SHC4: variants seen among roughly 807,000 people sequenced by gnomAD.
SHC4 encodes the protein SHC-transforming protein 4.
SHC4 carries 41 observed loss-of-function variants against 69.4 expected under a neutral mutation model. The ratio of observed to expected loss-of-function variants is 0.59; its 90% CI spans 0.46 to 0.77. The LOEUF (loss-of-function observed/expected upper bound fraction) is 0.77, where lower values mean the gene tolerates loss of function less well. Among genes scored for constraint, SHC4 ranks in the 30% least tolerant of loss-of-function variants. The probability of loss-of-function intolerance (pLI) is 0.00; values close to 1 mark genes in which losing one functional copy is unlikely to be tolerated. For missense variants in SHC4, 777 were observed against 783.8 expected (o/e 0.99, Z 0.10); for synonymous variants, 318 against 299.3 (o/e 1.06, Z -0.64).
chr15:48,934,269 G>T (rs1003234131), intron 1 of SHC4, among the ~76,000 whole-genome samples: 2 of 151,884 alleles, frequency 1.3e-5, no homozygotes, highest in Non-Finnish European at 2.9e-5. Context: ...TTTAAAAATG[G>T]ACAAAAGAAC....
At chr15:48,910,747 G>T (rs1460594709) in intron 2 of SHC4, among the ~76,000 whole-genome samples, 1 of 151,988 alleles carries the variant, frequency 6.6e-6, no homozygotes, top group African/African-American at 2.4e-5. Context: ...TATCCCAGAG[G>T]TTTTGATAGA....
intron 6 of SHC4, among the ~76,000 whole-genome samples, chr15:48,864,819 T>G (rs1247216827): frequency 6.6e-6 from 1 of 152,194 alleles, no homozygotes; most frequent in Admixed American, 6.5e-5. Flanking sequence ...CAAAACATAA[T>G]AATATTTTTA....
chr15:48,917,007 T>C (rs539168853), intron 2 of SHC4, among the ~76,000 whole-genome samples: 1 of 152,200 alleles, frequency 6.6e-6, no homozygotes, highest in Non-Finnish European at 1.5e-5. Context: ...TTTCCTTGGG[T>C]ATCAAAATGT....
At chr15:48,856,980 C>T (rs181093139) in intron 7 of SHC4, among the ~76,000 whole-genome samples, 2 of 152,258 alleles carry the variant, frequency 1.3e-5, no homozygotes, top group East Asian at 3.9e-4. Context: ...AAAAGGAGAT[C>T]TCCAAACCTA....
At chr15:48,933,714 T>C (rs1901014731) in intron 1 of SHC4, among the ~76,000 whole-genome samples, 1 of 152,192 alleles carries the variant, frequency 6.6e-6, no homozygotes, top group Non-Finnish European at 1.5e-5. Context: ...ACTGCTCAGC[T>C]ACACAATCAA....
chr15:48,912,005 G>A (rs1228862359), intron 2 of SHC4, among the ~76,000 whole-genome samples: 2 of 152,170 alleles, frequency 1.3e-5, no homozygotes, highest in African/African-American at 2.4e-5. Context: ...GTTACCTGGT[G>A]CTTCTGTCTC....
intron 1 of SHC4, 47 bp downstream of exon 1, chr15:48,962,384 C>A: frequency 6.7e-7 from 1 of 1,501,884 alleles, no homozygotes; most frequent in Non-Finnish European, 8.9e-7. Flanking sequence ...GAGAAGATGC[C>A]CCCTTCCACG....
chr15:48,897,758 C>CACACACACACACACACAT, intron 2 of SHC4, among the ~76,000 whole-genome samples: 1 of 147,196 alleles, frequency 6.8e-6, no homozygotes, highest in African/African-American at 2.5e-5. Flanking sequence ...CACCTTCTGA[C>CACACACACACACACACAT]ACACACACAC....
intron 10 of SHC4, among the ~76,000 whole-genome samples, chr15:48,836,443 T>C (rs1326629925): frequency 6.6e-6 from 1 of 152,202 alleles, no homozygotes; most frequent in Admixed American, 6.5e-5. Flanking sequence ...CCAGAACTAA[T>C]AATGTAAAAT....
chr15:48,961,456 A>AG (rs1401409879), intron 1 of SHC4, among the ~76,000 whole-genome samples: 2 of 152,044 alleles, frequency 1.3e-5, no homozygotes, highest in African/African-American at 4.8e-5. Context: ...CTCCTCCATA[A>AG]GGCCCAGCCT....
intron 1 of SHC4, chr15:48,947,896 C>T (rs1244574393): frequency 6.6e-6 from 1 of 152,186 alleles, no homozygotes; most frequent in Non-Finnish European, 1.5e-5. Context: ...ATCAAGGCAT[C>T]TTCACTCAGT....
At chr15:48,878,159 G>C in intron 4 of SHC4, 3 of 1,527,434 alleles carry the variant, frequency 2.0e-6, no homozygotes, top group Non-Finnish European at 2.6e-6. Context: ...TTTTCCTAGA[G>C]GTTGAGCGGT....
chr15:48,914,699 A>G (rs892920827), intron 2 of SHC4, among the ~76,000 whole-genome samples: 5 of 152,186 alleles, frequency 3.3e-5, no homozygotes, highest in African/African-American at 1.2e-4. Context: ...ATACTTCAGT[A>G]CTCCAAAAAT....
chr15:48,882,927 A>G (rs1899970403), intron 4 of SHC4, among the ~76,000 whole-genome samples: 1 of 152,164 alleles, frequency 6.6e-6, no homozygotes. Context: ...CATGATACCA[A>G]TGGTATCACC....
At chr15:48,951,656 A>G (rs79263671) in intron 1 of SHC4, among the ~76,000 whole-genome samples, 17,180 of 152,012 alleles carry the variant, frequency 0.11, 1,120 homozygotes, top group Middle Eastern at 0.17. Flanking sequence ...TCCCACCTCC[A>G]TGCCTTCACT....
chr15:48,904,916 GCACACACA>G (rs766950039), intron 2 of SHC4, among the ~76,000 whole-genome samples: 2 of 133,202 alleles, frequency 1.5e-5, no homozygotes, highest in Non-Finnish European at 3.2e-5. Context: ...CGACACACAC[GCACACACA>G]CACACACACA....
At chr15:48,878,984 C>A in intron 4 of SHC4, 1 of 414,286 alleles carries the variant, frequency 2.4e-6, no homozygotes. Context: ...CCTAAAACAC[C>A]TATGGCTTTG....
intron 9 of SHC4, 49 bp from the exon 10 acceptor site, chr15:48,843,637 A>C (rs1196939236): frequency 6.6e-7 from 1 of 1,523,522 alleles, no homozygotes; most frequent in Non-Finnish European, 9.0e-7. Flanking sequence ...CTTTGTAAAT[A>C]GTAAATAAAA....
chr15:48,859,003 C>T (rs1245461912), intron 6 of SHC4, among the ~76,000 whole-genome samples: 1 of 152,128 alleles, frequency 6.6e-6, no homozygotes, highest in East Asian at 1.9e-4. Flanking sequence ...GAACACATTA[C>T]TAAAAGGGAT....
Sources: gnomAD v4.1 joint callset for allele counts (sites outside exome capture counted in the v4.1 genomes callset) on GRCh38, gnomAD v4.1.1 for gene constraint, MANE v1.5 for transcripts, NCBI Gene and HGNC (gene_info 2026-07-23, HGNC 2026-07-21) for gene names.